ASAH2: variants seen among roughly 807,000 people sequenced by gnomAD.
ASAH2 encodes neutral ceramidase.
ASAH2 carries 58 observed loss-of-function variants against 82.9 expected under a neutral mutation model. That is an observed-to-expected ratio of 0.70 (90% CI 0.57 to 0.87). The LOEUF (loss-of-function observed/expected upper bound fraction) is 0.87, where lower values mean the gene tolerates loss of function less well. Ranked by LOEUF, ASAH2 falls within the 40% of genes least tolerant of loss-of-function variation. The pLI, the probability that ASAH2 is intolerant of heterozygous loss-of-function variation, is 0.00. For synonymous variants in ASAH2, 276 were observed against 289.7 expected, an observed-to-expected ratio of 0.95 and a Z score of 0.48; for missense variants, 779 against 834.0, an observed-to-expected ratio of 0.93 and a Z score of 0.81.
rs1190354420 is a variant in ASAH2, at chr10:50,195,267, A to G, written c.2004+1506T>C. On this transcript the variant is annotated intron_variant, in intron 18 of 20. Transcript: ENST00000682911. ...AAACATTTCTCTAAAGAAGACATAC[A>G]AATGCTCAACAGGGTATTTTTTTAA... is the stretch of plus-strand genomic sequence containing the variant. Among the ~76,000 whole-genome samples, 18 of 151,836 alleles carry G rather than the reference A, an allele frequency of 1.2e-4. No individual in the cohort carries two copies. The South Asian group carries it at 2.9e-3, about 25-fold the overall frequency.
intron 16 of ASAH2, among the ~76,000 whole-genome samples, chr10:50,200,990 C>A (rs1845134645): frequency 6.6e-6 from 1 of 151,884 alleles, no homozygotes; most frequent in Admixed American, 6.6e-5. Flanking sequence ...AACCCCAAAC[C>A]CCCAGCTCCA....
intron 13 of ASAH2, 38 bp from the exon 14 acceptor site, chr10:50,204,993 C>T: frequency 7.0e-7 from 1 of 1,420,620 alleles, no homozygotes; most frequent in Non-Finnish European, 9.8e-7. Flanking sequence ...TTAGGGATAA[C>T]ACTCTCTCTA....
chr10:50,246,091 T>C (rs1451239356), intron 2 of ASAH2, among the ~76,000 whole-genome samples: 1 of 152,202 alleles, frequency 6.6e-6, no homozygotes, highest in East Asian at 1.9e-4. Context: ...TATACACATA[T>C]ATTCTATATT....
In ASAH2 at chr10:50,187,114, TCTCTCACACA is replaced by T. The variant is rs1488583476; in HGVS notation, c.*191_*200del. 3.6e-4 allele frequency: 95 copies of T among 261,914 alleles called. No individual in the cohort carries two copies. Among genetic ancestry groups the T allele is most frequent in the Middle Eastern group, 2.4e-3 (2 of 822 alleles). 16.2% of individuals were successfully genotyped at this position (261,914 alleles called of 1,614,324 possible). On this transcript the variant is annotated 3_prime_UTR_variant, in exon 21 of 21. Transcript: ENST00000682911. ...CTCTCTCTCTCTCTCTCTCTCTCTC[TCTCTCACACA>T]CACACACACACACACACACACACAC...
chr10:50,217,683 T>G (rs2133212119), intron 8 of ASAH2, among the ~76,000 whole-genome samples: 1 of 152,312 alleles, frequency 6.6e-6, no homozygotes, highest in East Asian at 1.9e-4. Context: ...CTTTTCTTTA[T>G]AAATTACCCA....
rs1237391903 is a variant in ASAH2 at position 50,206,042 on chromosome 10, C to A, written c.1470G>T (p.Lys490Asn). The A allele has an allele frequency of 1.2e-6, 2 of 1,612,690 alleles. No homozygotes were observed. The highest frequency in any genetic ancestry group is 2.2e-5 in the East Asian group (1 of 44,822). ...GACATTCTTTAATTTCTTCAGATGGCTTTCCCAGGATCTGGTCCCGAATGG... is the reference window on the plus strand; with the variant it reads ...GACATTCTTTAATTTCTTCAGATGGATTTCCCAGGATCTGGTCCCGAATGG... ...WDTIRDQILG[K>N]PSEEIKECHK... Residue 490 changes from lysine (K) to asparagine (N), a missense_variant, in exon 13 of 21, where the codon AAG (lysine) becomes AAT (asparagine). Around this residue, in one of 3 missense-constraint regions of ASAH2, gnomAD observed 759 missense variants for 755.2 expected, o/e 1.00. Coordinates refer to ENST00000682911, the MANE Select transcript of ASAH2 (RefSeq NM_019893.4).
intron 1 of ASAH2, among the ~76,000 whole-genome samples, chr10:50,249,998 C>G (rs1156255374): frequency 1.3e-5 from 2 of 152,028 alleles, no homozygotes; most frequent in East Asian, 3.9e-4. Context: ...TTCAATTTGA[C>G]TTAGGTAACA....
chr10:50,210,910 G>C lies in ASAH2; in HGVS notation c.1333-6C>G. The C allele has an allele frequency of 6.2e-7, 1 of 1,612,894 alleles. No individual in the cohort carries two copies. ...GCTGGTTTACATGTTTTTGACTAAAGGAAAAGTTTTAAAAACAAAACAAAA... is the reference window on the plus strand; with the variant it reads ...GCTGGTTTACATGTTTTTGACTAAACGAAAAGTTTTAAAAACAAAACAAAA... On this transcript the variant is annotated splice_region_variant and splice_polypyrimidine_tract_variant and intron_variant, in intron 11 of 20. Coordinates refer to ENST00000682911, the MANE Select transcript of ASAH2 (RefSeq NM_019893.4).
In ASAH2 at chr10:50,211,098, G is replaced by T; in HGVS notation, c.1264C>A (p.Pro422Thr). ...ACCCACTGGTGTGCTGAAGCCAGTG[G>T]TCCTGTTACCTCCTGGGAGGCAGAG... ...YASASQEVTG[P>T]LASAHQWVDM... Residue 422 changes from proline (P) to threonine (T), a missense_variant, in exon 11 of 21, where the codon CCA becomes ACA. By Grantham distance (38) the Pro-to-Thr change is conservative (BLOSUM62 -1). Transcript: ENST00000682911. 6.2e-7 allele frequency: 1 copy of T among 1,613,666 alleles called. No individual in the cohort carries two copies.
At chr10:50,199,630 A>G (rs1424863547) in intron 16 of ASAH2, among the ~76,000 whole-genome samples, 2 of 146,320 alleles carry the variant, frequency 1.4e-5, no homozygotes, top group African/African-American at 5.1e-5. Flanking sequence ...TGGTTCTTCT[A>G]CAGGAATTTC....
intron 18 of ASAH2, among the ~76,000 whole-genome samples, chr10:50,193,350 A>G (rs1372790524): frequency 6.6e-5 from 10 of 151,596 alleles, no homozygotes; most frequent in African/African-American, 2.2e-4. Context: ...AGTTGAGGAT[A>G]TGGAGCTGGG....
intron 7 of ASAH2, among the ~76,000 whole-genome samples, 193 bp from the exon 8 acceptor site, chr10:50,218,823 T>C (rs1042994833): frequency 3.3e-5 from 5 of 152,222 alleles, no homozygotes; most frequent in Non-Finnish European, 7.3e-5. Context: ...AGTCTGATCA[T>C]TTTCTTAAAT....
At chr10:50,250,814 G>A (rs948371113) in intron 1 of ASAH2, among the ~76,000 whole-genome samples, 1 of 152,206 alleles carries the variant, frequency 6.6e-6, no homozygotes, top group Non-Finnish European at 1.5e-5. Flanking sequence ...GATATTTTAT[G>A]CCACTCAACA....
At chr10:50,203,579 GAT>G (rs1426180447) in intron 15 of ASAH2, 59 bp downstream of exon 15, 1 of 497,322 alleles carries the variant, frequency 2.0e-6, no homozygotes, top group Non-Finnish European at 3.3e-6. Context: ...ATAGGGATAG[GAT>G]ATACTTTCCT....
Position 50,228,225 on chromosome 10 carries a change from A to C in ASAH2, c.893+4959T>G, listed in dbSNP as rs982728748. The stretch of plus-strand genomic sequence containing the variant: ...AGGAAGGCTTTATAAATCAGAATTC[A>C]TGCTAATGATAGAGAAGGCATTTAG... On this transcript the variant is annotated intron_variant, in intron 7 of 20. Coordinates refer to ENST00000682911, the MANE Select transcript of ASAH2 (RefSeq NM_019893.4). Among the ~76,000 whole-genome samples the C allele has an allele frequency of 4.7e-3, 721 of 152,336 alleles. 4 individuals are homozygous for C. The highest frequency in any genetic ancestry group is 0.015 in the African/African-American group (643 of 41,584).
intron 2 of ASAH2, among the ~76,000 whole-genome samples, chr10:50,245,729 C>G (rs568448388): frequency 6.6e-6 from 1 of 152,188 alleles, no homozygotes; most frequent in African/African-American, 2.4e-5. Flanking sequence ...ACTGCCTTCA[C>G]TCAACACCCT....
At chr10:50,197,822 A>G (rs1434023558) in intron 17 of ASAH2, among the ~76,000 whole-genome samples, 5 of 151,876 alleles carry the variant, frequency 3.3e-5, no homozygotes, top group Admixed American at 2.6e-4. Flanking sequence ...CTATAGACCT[A>G]TGAGCATAGT....
chr10:50,246,456 G>A (rs1047416048), intron 2 of ASAH2, among the ~76,000 whole-genome samples: 1 of 152,154 alleles, frequency 6.6e-6, no homozygotes, highest in African/African-American at 2.4e-5. Flanking sequence ...ACAATAGTCA[G>A]GAGTTGCCAA....
chr10:50,234,289 G>GATCT, intron 6 of ASAH2, 136 bp downstream of exon 6: 1 of 1,237,348 alleles, frequency 8.1e-7, no homozygotes, highest in Non-Finnish European at 1.2e-6. Flanking sequence ...AGATTACACA[G>GATCT]ATGTTTTTAA....
Sources: allele counts gnomAD v4.1 joint callset (sites outside exome capture counted in the v4.1 genomes callset), GRCh38; gene constraint gnomAD v4.1.1; regional missense constraint gnomAD v4.1.1; transcripts MANE v1.5; gene names NCBI Gene and HGNC (gene_info 2026-07-23, HGNC 2026-07-21).